Variants in APBB1IP observed in about 807,000 individuals in gnomAD.
APBB1IP encodes amyloid beta precursor protein binding family B member 1 interacting protein.
Under a neutral mutation model 64.9 loss-of-function variants are expected in APBB1IP, and 27 were observed. That is an observed-to-expected ratio of 0.42 (90% confidence interval 0.31 to 0.57). APBB1IP has a LOEUF of 0.57. Ranked by LOEUF, APBB1IP falls within the 20% of genes least tolerant of loss-of-function variation. APBB1IP has a pLI of 0.20. For missense variants in APBB1IP, 812 were observed against 845.5 expected (o/e 0.96, Z 0.49); for synonymous variants, 392 against 331.0 (o/e 1.18, Z -2.00).
At chr10:26,464,520 C>A (rs1301265350) in intron 2 of APBB1IP, among the ~76,000 whole-genome samples, 1 of 152,140 alleles carries the variant, frequency 6.6e-6, no homozygotes, top group African/African-American at 2.4e-5. Context: ...CCCACCTCAA[C>A]CTGCTAAGTA....
chr10:26,519,065 A>G (rs1588599813), intron 8 of APBB1IP, among the ~76,000 whole-genome samples: 2 of 146,836 alleles, frequency 1.4e-5, no homozygotes, highest in African/African-American at 2.5e-5. Flanking sequence ...ACCTAAGATC[A>G]GGAGTTCGAG....
rs540931131 is a variant in APBB1IP at position 26,535,951 on chromosome 10, G to A, written c.901-123G>A. 14 of 982,370 alleles carry A rather than the reference G, an allele frequency of 1.4e-5. No individual in the cohort carries two copies. The East Asian group carries it at 1.5e-4, about 11-fold the overall frequency. 60.9% of individuals were successfully genotyped at this position (982,370 alleles called of 1,614,324 possible). On this transcript the variant is annotated intron_variant, in intron 9 of 14. Coordinates refer to ENST00000376236, the MANE Select transcript of APBB1IP (RefSeq NM_019043.4). Reference sequence around the variant, plus strand: ...GCATATAATATAAACATATGCATTCGATCAGAGTTGTACACAAAATTGACT... The same window carrying A: ...GCATATAATATAAACATATGCATTCAATCAGAGTTGTACACAAAATTGACT...
chr10:26,524,950 T>C (rs1230181934), intron 8 of APBB1IP, among the ~76,000 whole-genome samples: 8 of 101,798 alleles, frequency 7.9e-5, no homozygotes, highest in Non-Finnish European at 1.2e-4. Context: ...TCTCTTTCTT[T>C]CTTTCTTTTT....
At chr10:26,558,976 T>C (rs1441117943) in intron 11 of APBB1IP, among the ~76,000 whole-genome samples, 1 of 152,110 alleles carries the variant, frequency 6.6e-6, no homozygotes, top group African/African-American at 2.4e-5. Flanking sequence ...AGGGTGTCCA[T>C]CTGGAAGCCA....
chr10:26,457,061 T>C (rs771003636), intron 2 of APBB1IP, among the ~76,000 whole-genome samples: 5 of 152,116 alleles, frequency 3.3e-5, no homozygotes, highest in Admixed American at 1.3e-4. Context: ...GTTTTTTGGG[T>C]GTTTGTTTCT....
chr10:26,554,869 G>A (rs989006199), intron 11 of APBB1IP, among the ~76,000 whole-genome samples: 5 of 151,880 alleles, frequency 3.3e-5, no homozygotes, highest in Admixed American at 1.3e-4. Flanking sequence ...AGGTGTGAGC[G>A]ACCACACCCG....
intron 8 of APBB1IP, among the ~76,000 whole-genome samples, chr10:26,516,637 T>C (rs2132449753): frequency 6.8e-6 from 1 of 146,776 alleles, no homozygotes; most frequent in East Asian, 2.0e-4. Context: ...AAGGAGCAGG[T>C]AGGGGAAGAG....
At chr10:26,481,833 G>A (rs991255363) in intron 2 of APBB1IP, among the ~76,000 whole-genome samples, 1 of 132,772 alleles carries the variant, frequency 7.5e-6, no homozygotes, top group African/African-American at 3.6e-5. Context: ...TTACGTGTGT[G>A]TGTGTGTGTG....
At chr10:26,535,139 A>T (rs1836604389) in intron 9 of APBB1IP, among the ~76,000 whole-genome samples, 1 of 152,222 alleles carries the variant, frequency 6.6e-6, no homozygotes, top group African/African-American at 2.4e-5. Flanking sequence ...TTTAAAACAA[A>T]ATTTATTAAG....
At chr10:26,478,663 C>CT (rs1835803428) in intron 2 of APBB1IP, among the ~76,000 whole-genome samples, 1 of 150,418 alleles carries the variant, frequency 6.6e-6, no homozygotes, top group Non-Finnish European at 1.5e-5. Flanking sequence ...TGGAGATGTG[C>CT]TTTGGGGGTT....
At chr10:26,494,309 G>A (rs551639181) in intron 3 of APBB1IP, among the ~76,000 whole-genome samples, 27 of 152,260 alleles carry the variant, frequency 1.8e-4, no homozygotes, top group Middle Eastern at 3.4e-3. Context: ...AAGTGGCAGG[G>A]GCCACTAAGC....
At chr10:26,520,185 C>G (rs900746315) in intron 8 of APBB1IP, among the ~76,000 whole-genome samples, 1 of 152,198 alleles carries the variant, frequency 6.6e-6, no homozygotes, top group Admixed American at 6.5e-5. Context: ...TGCCTGCTTA[C>G]TTGCTTTCTG....
intron 3 of APBB1IP, among the ~76,000 whole-genome samples, chr10:26,493,150 C>T (rs1015609745): frequency 1.1e-4 from 17 of 152,142 alleles, no homozygotes; most frequent in African/African-American, 4.1e-4. Context: ...TCTGTCCTGC[C>T]CGGCTCCCAG....
chr10:26,497,821 G>A (rs1331674019), intron 4 of APBB1IP, among the ~76,000 whole-genome samples: 1 of 150,430 alleles, frequency 6.6e-6, no homozygotes, highest in Non-Finnish European at 1.5e-5. Context: ...CTGCCCCCTG[G>A]GTTCAAGCGA....
At chr10:26,538,900 G>A (rs1223415508) in intron 10 of APBB1IP, among the ~76,000 whole-genome samples, 4 of 152,202 alleles carry the variant, frequency 2.6e-5, no homozygotes, top group Non-Finnish European at 2.9e-5. Flanking sequence ...AGCACAGCTA[G>A]AGACAAACAG....
intron 2 of APBB1IP, among the ~76,000 whole-genome samples, chr10:26,459,631 T>C (rs939897069): frequency 1.3e-5 from 2 of 152,198 alleles, no homozygotes; most frequent in Non-Finnish European, 2.9e-5. Flanking sequence ...TTCTAGGTAG[T>C]TTGATATTGT....
chr10:26,444,973 C>T (rs1178498969), intron 2 of APBB1IP, among the ~76,000 whole-genome samples: 1 of 151,892 alleles, frequency 6.6e-6, no homozygotes, highest in East Asian at 1.9e-4. Context: ...TGGTGCACGC[C>T]TGTAGTCCCA....
chr10:26,449,834 AC>A (rs1158679735), intron 2 of APBB1IP, among the ~76,000 whole-genome samples: 1 of 152,012 alleles, frequency 6.6e-6, no homozygotes, highest in Non-Finnish European at 1.5e-5. Flanking sequence ...ATACAATGAG[AC>A]CCTGTCTCTA....
At chr10:26,543,534 A>G (rs898136562) in intron 11 of APBB1IP, among the ~76,000 whole-genome samples, 2 of 151,478 alleles carry the variant, frequency 1.3e-5, no homozygotes, top group African/African-American at 2.4e-5. Flanking sequence ...AGTGACAAGG[A>G]TTATTATTAT....
Sources: gnomAD v4.1 joint callset for allele counts (sites outside exome capture counted in the v4.1 genomes callset) on GRCh38, gnomAD v4.1.1 for gene constraint, MANE v1.5 for transcripts, NCBI Gene and HGNC (gene_info 2026-07-23, HGNC 2026-07-21) for gene names.